PLEKHA5: variants seen among roughly 807,000 people sequenced by gnomAD.
PLEKHA5 encodes the protein pleckstrin homology domain-containing family A member 5.
A neutral mutation model predicts 181.9 loss-of-function variants in PLEKHA5; 55 were observed. That is an observed-to-expected ratio of 0.30 (90% CI 0.24 to 0.38). The LOEUF is 0.38. Ranked by LOEUF, PLEKHA5 falls within the 10% of genes least tolerant of loss-of-function variation. PLEKHA5 has a pLI of 1.00. For synonymous variants in PLEKHA5, 535 were observed against 529.4 expected (o/e 1.01, Z -0.15); for missense variants, 1,432 against 1,549.5 (o/e 0.92, Z 1.27).
intron 15 of PLEKHA5, among the ~76,000 whole-genome samples, chr12:19,305,628 G>A (rs1295785012): frequency 3.3e-5 from 5 of 151,228 alleles, no homozygotes; most frequent in Non-Finnish European, 5.9e-5. Flanking sequence ...GGAGGCCAAG[G>A]CGGACGAATC....
At chr12:19,208,078 C>G (rs1216793717) in intron 3 of PLEKHA5, among the ~76,000 whole-genome samples, 1 of 152,040 alleles carries the variant, frequency 6.6e-6, no homozygotes, top group South Asian at 2.1e-4. Flanking sequence ...TCTAAAGAAC[C>G]TAGCATGGTG....
intron 14 of PLEKHA5, 87 bp downstream of exon 14, chr12:19,290,883 T>A: frequency 2.5e-6 from 3 of 1,217,930 alleles, no homozygotes; most frequent in Non-Finnish European, 3.4e-6. Context: ...GCATCATTAG[T>A]GTTGAGCATG....
chr12:19,374,131 C>CA (rs2095654270), intron 31 of PLEKHA5, among the ~76,000 whole-genome samples: 1 of 152,078 alleles, frequency 6.6e-6, no homozygotes, highest in African/African-American at 2.4e-5. Flanking sequence ...GAAACCTTTA[C>CA]AAATGACACT....
At position 19,218,307 on chromosome 12, in the gene PLEKHA5, G is replaced by A. The variant is rs73345102; in HGVS notation, c.228-35633G>A. 3.2e-3 allele frequency among the ~76,000 whole-genome samples: 492 copies of A among 152,148 alleles called. 4 individuals are homozygous for A. The highest frequency in any genetic ancestry group is 0.011 in the African/African-American group (474 of 41,508). ...TTTGCACAAAATGTTTTCTCCTCCA[G>A]TGTTACATGAGAAAACGGAGTTATT... On this transcript the variant is annotated intron_variant, in intron 3 of 31. Transcript: ENST00000429027.
intron 3 of PLEKHA5, among the ~76,000 whole-genome samples, chr12:19,165,951 C>T (rs965746782): frequency 6.6e-6 from 1 of 152,144 alleles, no homozygotes; most frequent in African/African-American, 2.4e-5. Context: ...ACCTTGTTTT[C>T]CTCCTTGTCA....
chr12:19,241,367 GTC>G (rs1381376665), intron 3 of PLEKHA5, among the ~76,000 whole-genome samples: 1 of 152,176 alleles, frequency 6.6e-6, no homozygotes, highest in East Asian at 1.9e-4. Flanking sequence ...ATAGTGAAGA[GTC>G]TTGTTACAAT....
intron 15 of PLEKHA5, among the ~76,000 whole-genome samples, chr12:19,311,753 C>A (rs532173159): frequency 2.0e-5 from 3 of 152,226 alleles, no homozygotes; most frequent in African/African-American, 4.8e-5. Context: ...ACCCCTCAAC[C>A]TCATTCATGA....
At chr12:19,374,238 CT>C (rs139465408) in intron 31 of PLEKHA5, among the ~76,000 whole-genome samples, 4,942 of 136,864 alleles carry the variant, frequency 0.036, 72 homozygotes, top group Non-Finnish European at 0.048. Flanking sequence ...ACGTTTGGTA[CT>C]TTTTTTTTTT....
chr12:19,205,432 A>G (rs1017858095), intron 3 of PLEKHA5: 1 of 963,516 alleles, frequency 1.0e-6, no homozygotes, highest in Admixed American at 6.2e-5. Context: ...ATTTTTAGCA[A>G]AAGGCTATTT....
chr12:19,149,271 C>T lies in PLEKHA5; in HGVS notation c.227+16821C>T, dbSNP rs116848073. Among the ~76,000 whole-genome samples the T allele has an allele frequency of 5.6e-3, 854 of 151,878 alleles. 29 individuals carry two copies. The East Asian group carries it at 0.099, about 18-fold the overall frequency. On this transcript the variant is annotated intron_variant, in intron 3 of 31. Coordinates refer to ENST00000429027, the MANE Select transcript of PLEKHA5 (RefSeq NM_001256470.2). ...AATCCCAGCACTTTGGGGAGGCCAG[C>T]GTGGACGGATCACGAGGTCGGGAGA...
At chr12:19,277,708 A>G (rs1004055595) in intron 11 of PLEKHA5, among the ~76,000 whole-genome samples, 34 of 152,340 alleles carry the variant, frequency 2.2e-4, no homozygotes, top group African/African-American at 7.9e-4. Flanking sequence ...GAATGAAACA[A>G]TTGTAATTCA....
intron 16 of PLEKHA5, among the ~76,000 whole-genome samples, chr12:19,317,535 G>C (rs560912745): frequency 2.6e-5 from 4 of 151,910 alleles, no homozygotes; most frequent in South Asian, 2.1e-4. Flanking sequence ...TTTGCCATCT[G>C]TGGATATAAT....
At chr12:19,339,479 C>T (rs1051041684) in intron 21 of PLEKHA5, among the ~76,000 whole-genome samples, 1 of 152,102 alleles carries the variant, frequency 6.6e-6, no homozygotes, top group Non-Finnish European at 1.5e-5. Flanking sequence ...AACCTTATTA[C>T]AGGATATAAG....
intron 3 of PLEKHA5, among the ~76,000 whole-genome samples, chr12:19,184,766 A>G (rs7958999): frequency 0.89 from 135,253 of 152,150 alleles, 60,933 homozygotes; most frequent in Non-Finnish European, 0.97. Context: ...GGAATTTTTC[A>G]AAGAATTTTT....
intron 15 of PLEKHA5, among the ~76,000 whole-genome samples, chr12:19,309,580 AC>A (rs754503895): frequency 1.6e-4 from 25 of 151,946 alleles, no homozygotes; most frequent in Non-Finnish European, 3.1e-4. Context: ...ACATGGTGAA[AC>A]CCCGTCTTTA....
At chr12:19,247,182 C>A (rs1173222953) in intron 3 of PLEKHA5, among the ~76,000 whole-genome samples, 2 of 152,138 alleles carry the variant, frequency 1.3e-5, no homozygotes, top group Non-Finnish European at 2.9e-5. Context: ...ACAACAGCTT[C>A]CCCCGTTTTC....
At chr12:19,162,124 C>G (rs946133229) in intron 3 of PLEKHA5, among the ~76,000 whole-genome samples, 5 of 152,070 alleles carry the variant, frequency 3.3e-5, no homozygotes, top group Admixed American at 3.3e-4. Context: ...AATTTATTTT[C>G]TACCCAACTT....
chr12:19,306,461 C>T (rs1185902454), intron 15 of PLEKHA5: 3 of 629,932 alleles, frequency 4.8e-6, no homozygotes, highest in Middle Eastern at 2.6e-4. Flanking sequence ...CGGATACCCA[C>T]CTCCCACGAA....
intron 3 of PLEKHA5, among the ~76,000 whole-genome samples, chr12:19,188,331 CTCTT>C (rs976476319): frequency 6.6e-6 from 1 of 152,188 alleles, no homozygotes; most frequent in African/African-American, 2.4e-5. Flanking sequence ...TATTTCCCTC[CTCTT>C]TCTTTCATCC....
Sources: gnomAD v4.1 joint callset for allele counts (sites outside exome capture counted in the v4.1 genomes callset) on GRCh38, gnomAD v4.1.1 for gene constraint, MANE v1.5 for transcripts, NCBI Gene and HGNC (gene_info 2026-07-23, HGNC 2026-07-21) for gene names.